The following MIR2052HG variants were observed in gnomAD, a reference collection of about 807,000 sequenced individuals.
The protein encoded by MIR2052HG is MIR2052 host gene.
At chr8:74,632,058 T>C (rs925883909) in intron 2 of MIR2052HG, among the ~76,000 whole-genome samples, 1 of 151,978 alleles carries the variant, frequency 6.6e-6, no homozygotes, top group Non-Finnish European at 1.5e-5. Context: ...TACTTAGGAG[T>C]ATATCAAGCA....
chr8:74,703,788 G>C (rs1809380801), intron 4 of MIR2052HG: 1 of 347,648 alleles, frequency 2.9e-6, no homozygotes, highest in Non-Finnish European at 5.7e-6. Context: ...AGTCAAAGCT[G>C]ATAGCGGGTT....
chr8:74,614,045 A>G (rs945875648), intron 2 of MIR2052HG, among the ~76,000 whole-genome samples: 1 of 152,236 alleles, frequency 6.6e-6, no homozygotes, highest in African/African-American at 2.4e-5. Flanking sequence ...ATCTTCCTCA[A>G]AGTAACATAG....
chr8:74,647,886 T>G (rs554995666), intron 2 of MIR2052HG, among the ~76,000 whole-genome samples: 2 of 152,312 alleles, frequency 1.3e-5, no homozygotes, highest in African/African-American at 4.8e-5. Flanking sequence ...TTATAATTTC[T>G]TATGCTTGTC....
At chr8:74,696,929 CA>C (rs1270604506) in intron 2 of MIR2052HG, among the ~76,000 whole-genome samples, 1 of 151,920 alleles carries the variant, frequency 6.6e-6, no homozygotes, top group Non-Finnish European at 1.5e-5. Context: ...GACACTATTC[CA>C]CGAGATAGAG....
chr8:74,602,817 G>GTTTCTTTTCTTTC (rs1808023274), intron 1 of MIR2052HG, among the ~76,000 whole-genome samples: 1 of 73,786 alleles, frequency 1.4e-5, no homozygotes, highest in East Asian at 7.3e-4. Flanking sequence ...GCCCGGCCGT[G>GTTTCTTTTCTTTC]TTTCTTTCTT....
At chr8:74,607,308 A>G (rs1025632496) in intron 1 of MIR2052HG, among the ~76,000 whole-genome samples, 2 of 152,116 alleles carry the variant, frequency 1.3e-5, no homozygotes, top group African/African-American at 4.8e-5. Flanking sequence ...TTAATAATAG[A>G]GCTTAAAAAA....
intron 2 of MIR2052HG, among the ~76,000 whole-genome samples, chr8:74,693,169 A>G (rs576886671): frequency 6.6e-6 from 1 of 152,354 alleles, no homozygotes; most frequent in Admixed American, 6.5e-5. Context: ...TAAGAATGAG[A>G]TAACATTATT....
At chr8:74,744,820 G>A (rs1371502792) in intron 4 of MIR2052HG, among the ~76,000 whole-genome samples, 1 of 152,160 alleles carries the variant, frequency 6.6e-6, no homozygotes, top group East Asian at 1.9e-4. Flanking sequence ...ATGGGGCCAG[G>A]AAATGAAAGA....
intron 2 of MIR2052HG, among the ~76,000 whole-genome samples, chr8:74,674,814 C>T (rs924854985): frequency 5.3e-5 from 8 of 151,786 alleles, no homozygotes; most frequent in Non-Finnish European, 8.8e-5. Flanking sequence ...TGATACTATA[C>T]GTTACTATAC....
chr8:74,612,763 A>G lies in MIR2052HG; in HGVS notation n.129-90A>G, dbSNP rs534501841. 366 of 391,256 alleles carry G rather than the reference A, an allele frequency of 9.4e-4. 2 individuals are homozygous for G. Among genetic ancestry groups the G allele is most frequent in the African/African-American group, 6.5e-3 (309 of 47,590 alleles). 24.2% of individuals were successfully genotyped at this position (391,256 alleles called of 1,614,324 possible). On this transcript the variant is annotated intron_variant and non_coding_transcript_variant, in intron 1 of 6. Coordinates refer to ENST00000523442, the Ensembl canonical transcript of MIR2052HG. ...AAACATATTGCTTTTAATACATTTT[A>G]GTTATTTTTCTTTCTTCATGTGAGT...
At chr8:74,709,450 G>A (rs1272672154) in intron 4 of MIR2052HG, among the ~76,000 whole-genome samples, 1 of 151,930 alleles carries the variant, frequency 6.6e-6, no homozygotes, top group Non-Finnish European at 1.5e-5. Flanking sequence ...ATTGGGGGAG[G>A]AGTTGGGTAA....
intron 4 of MIR2052HG, among the ~76,000 whole-genome samples, chr8:74,725,777 C>G (rs1217486722): frequency 1.3e-5 from 2 of 152,144 alleles, no homozygotes; most frequent in East Asian, 3.8e-4. Context: ...TTGCTCTTCT[C>G]TAGATAATAT....
At chr8:74,659,624 C>T (rs912660467) in intron 2 of MIR2052HG, among the ~76,000 whole-genome samples, 1 of 152,014 alleles carries the variant, frequency 6.6e-6, no homozygotes, top group South Asian at 2.1e-4. Context: ...GAAAGAATGT[C>T]TCGTAGATAT....
chr8:74,635,284 T>C (rs1416250175), intron 2 of MIR2052HG, among the ~76,000 whole-genome samples: 2 of 152,064 alleles, frequency 1.3e-5, no homozygotes, highest in Admixed American at 1.3e-4. Flanking sequence ...CTCTAGTGAA[T>C]TGCATTAAAC....
At chr8:74,625,680 A>G (rs1197754149) in intron 2 of MIR2052HG, among the ~76,000 whole-genome samples, 2 of 152,224 alleles carry the variant, frequency 1.3e-5, no homozygotes, top group African/African-American at 4.8e-5. Flanking sequence ...AATAGTTAAT[A>G]AAGTTAAAGA....
At chr8:74,642,023 G>T (rs371460791) in intron 2 of MIR2052HG, among the ~76,000 whole-genome samples, 1 of 152,004 alleles carries the variant, frequency 6.6e-6, no homozygotes, top group African/African-American at 2.4e-5. Flanking sequence ...GTGACTGGTG[G>T]TGTACTATGT....
chr8:74,715,376 T>C (rs1809510111), intron 4 of MIR2052HG, among the ~76,000 whole-genome samples: 2 of 152,216 alleles, frequency 1.3e-5, no homozygotes, highest in African/African-American at 4.8e-5. Context: ...TATACAGGCA[T>C]AGAACAGGGA....
intron 2 of MIR2052HG, among the ~76,000 whole-genome samples, chr8:74,691,168 T>C (rs1809235940): frequency 6.6e-6 from 1 of 152,118 alleles, no homozygotes; most frequent in Non-Finnish European, 1.5e-5. Flanking sequence ...AACAAAGTGA[T>C]TGAGAAAGGA....
rs1809816729 is a variant in MIR2052HG at position 74,740,741 on chromosome 8, A to T, written n.372-11700A>T. Among the ~76,000 whole-genome samples, 3 of 152,196 alleles carry T rather than the reference A, an allele frequency of 2.0e-5. No individual in the cohort carries two copies. The South Asian group carries it at 6.2e-4, about 32-fold the overall frequency. On this transcript the variant is annotated intron_variant and non_coding_transcript_variant, in intron 4 of 6. Coordinates refer to ENST00000523442, the Ensembl canonical transcript of MIR2052HG. ...TACCAGATGCCAAGTTGAATACATG[A>T]CCAATTCCTCTTAGAAAAATCGTCT...
Sources: allele counts gnomAD v4.1 joint callset (sites outside exome capture counted in the v4.1 genomes callset), GRCh38; gene constraint gnomAD v4.1.1; transcripts MANE v1.5; gene names NCBI Gene and HGNC (gene_info 2026-07-23, HGNC 2026-07-21).